TEAD1: variants seen among roughly 807,000 people sequenced by gnomAD.
TEAD1 encodes TEA domain transcription factor 1.
In TEAD1, 9 loss-of-function variants were observed where a neutral mutation model predicts 54.9. That is an observed-to-expected ratio of 0.16 (90% confidence interval 0.10 to 0.29). The LOEUF (loss-of-function observed/expected upper bound fraction) is 0.29. Among genes scored for constraint, TEAD1 ranks in the 10% least tolerant of loss-of-function variants. The pLI, the probability that TEAD1 is intolerant of heterozygous loss-of-function variation, is 1.00. For synonymous variants in TEAD1, 200 were observed against 187.8 expected, an observed-to-expected ratio of 1.07 and a Z score of -0.53; for missense variants, 387 against 535.9, an observed-to-expected ratio of 0.72 and a Z score of 2.74.
At chr11:12,843,900 C>G (rs1453367196) in intron 3 of TEAD1, among the ~76,000 whole-genome samples, 2 of 152,112 alleles carry the variant, frequency 1.3e-5, no homozygotes, top group East Asian at 3.9e-4. Context: ...ACCACGAAGC[C>G]TAATATTAAA....
intron 3 of TEAD1, among the ~76,000 whole-genome samples, chr11:12,824,781 C>T (rs1230798028): frequency 6.6e-6 from 1 of 152,124 alleles, no homozygotes; most frequent in Admixed American, 6.5e-5. Context: ...GTTGATGGGG[C>T]CGGGCTCCTG....
At chr11:12,855,787 A>C (rs1411344714) in intron 3 of TEAD1, among the ~76,000 whole-genome samples, 2 of 151,906 alleles carry the variant, frequency 1.3e-5, no homozygotes, top group African/African-American at 4.8e-5. Flanking sequence ...TCTACAAAAA[A>C]AAAATTTAAG....
chr11:12,767,723 G>A (rs1020442023), intron 3 of TEAD1, among the ~76,000 whole-genome samples: 2 of 152,174 alleles, frequency 1.3e-5, no homozygotes, highest in African/African-American at 4.8e-5. Flanking sequence ...TCTGCTGTGG[G>A]CACCCTTATG....
At chr11:12,772,740 T>G (rs1402785922) in intron 3 of TEAD1, among the ~76,000 whole-genome samples, 2 of 152,124 alleles carry the variant, frequency 1.3e-5, no homozygotes, top group African/African-American at 4.8e-5. Flanking sequence ...AACTGGAGTG[T>G]AATATTGCAA....
chr11:12,890,953 C>T (rs2134112428), intron 9 of TEAD1, among the ~76,000 whole-genome samples: 1 of 152,054 alleles, frequency 6.6e-6, no homozygotes, highest in South Asian at 2.1e-4. Context: ...TTAGTAGAGA[C>T]AAGGTTTTGT....
intron 3 of TEAD1, among the ~76,000 whole-genome samples, chr11:12,784,202 AGAT>A (rs1395811469): frequency 1.3e-5 from 2 of 152,146 alleles, no homozygotes; most frequent in Non-Finnish European, 2.9e-5. Context: ...ATGAGGGAGA[AGAT>A]GAAGATTTTT....
At chr11:12,728,706 TG>T (rs1944361161) in intron 2 of TEAD1, among the ~76,000 whole-genome samples, 2 of 152,246 alleles carry the variant, frequency 1.3e-5, no homozygotes, top group Admixed American at 1.3e-4. Context: ...TGCAAGCCTG[TG>T]GTTGATAAAA....
chr11:12,685,708 A>G (rs555854219), intron 2 of TEAD1, among the ~76,000 whole-genome samples: 1 of 152,322 alleles, frequency 6.6e-6, no homozygotes, highest in Non-Finnish European at 1.5e-5. Context: ...GTGCTCCCTA[A>G]TGATAAATGT....
chr11:12,764,021 T>G (rs547505356), intron 2 of TEAD1, among the ~76,000 whole-genome samples, 158 bp from the exon 3 acceptor site: 1 of 152,284 alleles, frequency 6.6e-6, no homozygotes, highest in Non-Finnish European at 1.5e-5. Context: ...ACTAAAGAAC[T>G]TAACCGTGTA....
At chr11:12,915,951 G>A (rs1302771487) in intron 10 of TEAD1, among the ~76,000 whole-genome samples, 4 of 152,340 alleles carry the variant, frequency 2.6e-5, no homozygotes, top group Admixed American at 2.0e-4. Context: ...AGTTGTGGAA[G>A]TAATGAGTAT....
intron 2 of TEAD1, among the ~76,000 whole-genome samples, chr11:12,684,527 C>T (rs920263842): frequency 1.3e-5 from 2 of 152,202 alleles, no homozygotes; most frequent in African/African-American, 4.8e-5. Flanking sequence ...CATTCAGCTT[C>T]AGGTGCGGAG....
intron 5 of TEAD1, among the ~76,000 whole-genome samples, chr11:12,868,891 A>T (rs565994809): frequency 3.3e-5 from 5 of 152,324 alleles, no homozygotes; most frequent in Middle Eastern, 3.4e-3. Flanking sequence ...GGGGCTCTGC[A>T]GTAGAAATTA....
chr11:12,761,699 T>C (rs1201029289), intron 2 of TEAD1, among the ~76,000 whole-genome samples: 1 of 152,178 alleles, frequency 6.6e-6, no homozygotes, highest in Non-Finnish European at 1.5e-5. Context: ...TGGAGGCTGC[T>C]TCTGTCATAC....
chr11:12,756,134 T>C (rs912142444), intron 2 of TEAD1, among the ~76,000 whole-genome samples: 3 of 152,130 alleles, frequency 2.0e-5, no homozygotes, highest in African/African-American at 4.8e-5. Flanking sequence ...ATGCTTAGCA[T>C]TGGGGCTTGG....
chr11:12,683,414 G>A (rs1002436486), intron 2 of TEAD1, among the ~76,000 whole-genome samples: 1 of 152,102 alleles, frequency 6.6e-6, no homozygotes. Context: ...TTTTTTACAC[G>A]TTTATATTTT....
At chr11:12,853,800 A>C (rs943297503) in intron 3 of TEAD1, among the ~76,000 whole-genome samples, 4 of 152,192 alleles carry the variant, frequency 2.6e-5, no homozygotes, top group Non-Finnish European at 2.9e-5. Flanking sequence ...TAATGTTATC[A>C]GCTGCCGTTG....
At chr11:12,742,201 A>C (rs1944662758) in intron 2 of TEAD1, among the ~76,000 whole-genome samples, 1 of 152,222 alleles carries the variant, frequency 6.6e-6, no homozygotes, top group Admixed American at 6.5e-5. Context: ...TTTGAGTTCA[A>C]GGTGTGATGA....
chr11:12,898,614 C>G (rs982981907), intron 9 of TEAD1, among the ~76,000 whole-genome samples: 4 of 151,904 alleles, frequency 2.6e-5, no homozygotes, highest in African/African-American at 7.3e-5. Flanking sequence ...AGGCTGGTCT[C>G]GAACTCCTGA....
chr11:12,819,642 G>C (rs1400688774), intron 3 of TEAD1, among the ~76,000 whole-genome samples: 1 of 151,502 alleles, frequency 6.6e-6, no homozygotes, highest in Non-Finnish European at 1.5e-5. Context: ...TAGTAGAGAC[G>C]GGGTTTCACC....
Sources: gnomAD v4.1 joint callset for allele counts (sites outside exome capture counted in the v4.1 genomes callset) on GRCh38, gnomAD v4.1.1 for gene constraint, MANE v1.5 for transcripts, NCBI Gene and HGNC (gene_info 2026-07-23, HGNC 2026-07-21) for gene names.